ANKS1B: variants seen among roughly 807,000 people sequenced by gnomAD.
ANKS1B encodes ankyrin repeat and sterile alpha motif domain-containing protein 1B.
Under a neutral mutation model 148.3 loss-of-function variants are expected in ANKS1B, and 36 were observed. The observed-to-expected ratio is 0.24, with a 90% confidence interval of 0.19 to 0.32. The LOEUF is 0.32. ANKS1B is among the 10% of genes least tolerant of loss of function. ANKS1B has a pLI of 1.00. For missense variants in ANKS1B, 1,157 were observed against 1,542.6 expected (o/e 0.75, Z 4.19); for synonymous variants, 542 against 560.8 (o/e 0.97, Z 0.47).
intron 12 of ANKS1B, among the ~76,000 whole-genome samples, chr12:99,298,442 T>TC (rs2154018305): frequency 6.6e-6 from 1 of 152,302 alleles, no homozygotes; most frequent in East Asian, 1.9e-4. Context: ...GTATCTTGCT[T>TC]CCCCTTTGCC....
chr12:98,795,661 T>C (rs1322135291), intron 22 of ANKS1B: 1 of 451,736 alleles, frequency 2.2e-6, no homozygotes, highest in Non-Finnish European at 4.4e-6. Flanking sequence ...AAATAAGCCA[T>C]TTAAAAAGTG....
At chr12:99,695,380 A>T (rs1189993456) in intron 8 of ANKS1B, among the ~76,000 whole-genome samples, 2 of 152,188 alleles carry the variant, frequency 1.3e-5, no homozygotes, top group Admixed American at 1.3e-4. Context: ...CAGATATCTC[A>T]TAAAGACAAA....
At chr12:99,532,343 T>TTTTTTG (rs2097005464) in intron 9 of ANKS1B, among the ~76,000 whole-genome samples, 1 of 152,164 alleles carries the variant, frequency 6.6e-6, no homozygotes, top group South Asian at 2.1e-4. Flanking sequence ...TTAAGGTTTT[T>TTTTTTG]TTGTTGTTGT....
rs1358559114 is a variant in ANKS1B at position 98,745,375 on chromosome 12, C to CTCT, written c.*363_*364insAGA. 2,452 of 913,446 alleles carry CTCT rather than the reference C, an allele frequency of 2.7e-3. 48 individuals carry two copies. In the African/African-American group the frequency reaches 0.039, roughly 14 times the overall value. The allele number at this position is 913,446 out of a possible 1,614,324, so 56.6% of individuals were successfully genotyped here. On this transcript the variant is annotated 3_prime_UTR_variant, in exon 27 of 27. Transcript: ENST00000683438. ...TAGGCAGTATTAGAGATCCCCTTTA[C>CTCT]TTTTTTTTTTTTTTTTTTTTTTTTA...
At chr12:99,700,393 A>G (rs2054613147) in intron 8 of ANKS1B, among the ~76,000 whole-genome samples, 1 of 152,186 alleles carries the variant, frequency 6.6e-6, no homozygotes, top group African/African-American at 2.4e-5. Context: ...ATCAATAGGA[A>G]CATGCTTCTT....
At chr12:99,655,021 G>T in intron 9 of ANKS1B, 46 bp downstream of exon 9, 1 of 1,522,214 alleles carries the variant, frequency 6.6e-7, no homozygotes, top group East Asian at 2.3e-5. Flanking sequence ...AAAAACATAG[G>T]CAACCATTTT....
At chr12:98,858,960 C>A (rs1451514564) in intron 17 of ANKS1B, among the ~76,000 whole-genome samples, 2 of 152,198 alleles carry the variant, frequency 1.3e-5, no homozygotes, top group African/African-American at 4.8e-5. Context: ...AAGAAGACTT[C>A]CGGATTCTCT....
rs114638821 is a variant in ANKS1B, at chr12:99,839,277, T to G, written c.135-13888A>C. On this transcript the variant is annotated intron_variant, in intron 1 of 26. Transcript: ENST00000683438. ...AAAAAAGTTTTGGCTGTAATTGCAT[T>G]AAACTTATAGAAAAAGTAGGAAGAA... Among the ~76,000 whole-genome samples the G allele has an allele frequency of 7.9e-3, 1,201 of 152,308 alleles. 16 individuals are homozygous for G. Among genetic ancestry groups the G allele is most frequent in the African/African-American group, 0.027 (1,135 of 41,582 alleles).
At chr12:99,690,508 T>C (rs778700792) in intron 8 of ANKS1B, among the ~76,000 whole-genome samples, 2 of 152,100 alleles carry the variant, frequency 1.3e-5, no homozygotes, top group African/African-American at 2.4e-5. Flanking sequence ...GGCACACACA[T>C]TGGGTAAATA....
chr12:99,032,120 T>A (rs754416171), intron 17 of ANKS1B, among the ~76,000 whole-genome samples: 1 of 152,130 alleles, frequency 6.6e-6, no homozygotes, highest in Non-Finnish European at 1.5e-5. Flanking sequence ...CAAACCCTCA[T>A]GGGGGTCATG....
At chr12:99,237,478 C>G (rs1381504925) in intron 14 of ANKS1B, among the ~76,000 whole-genome samples, 1 of 152,018 alleles carries the variant, frequency 6.6e-6, no homozygotes, top group Non-Finnish European at 1.5e-5. Context: ...CACTTTGGCT[C>G]TGAACTTTAG....
intron 9 of ANKS1B, among the ~76,000 whole-genome samples, chr12:99,566,451 T>C (rs906568125): frequency 1.3e-5 from 2 of 152,174 alleles, no homozygotes; most frequent in Non-Finnish European, 2.9e-5. Context: ...ACAGCAGTGC[T>C]CTCAAAGTTC....
Position 99,984,346 on chromosome 12 carries a change from GCAAGA to G in ANKS1B, c.-114_-110del. 2 of 659,578 alleles carry G rather than the reference GCAAGA, an allele frequency of 3.0e-6. No individual in the cohort carries two copies. The highest frequency in any genetic ancestry group is 2.0e-5 in the African/African-American group (1 of 50,388). The allele number at this position is 659,578 out of a possible 1,614,324, so 40.9% of individuals were successfully genotyped here. A position where few individuals can be genotyped will look rare whatever the true frequency, so the allele number is the denominator to read the frequency against. ...CCTCTTCGCCCCACCCTAAAATAAT[GCAAGA>G]GCTTCAGCACGGAGAGCTCCCTGCA... On this transcript the variant is annotated 5_prime_UTR_variant, in exon 1 of 27. Coordinates refer to ENST00000683438, the MANE Select transcript of ANKS1B (RefSeq NM_001352186.2).
intron 15 of ANKS1B, among the ~76,000 whole-genome samples, chr12:99,149,650 G>A (rs2074299866): frequency 6.6e-6 from 1 of 152,090 alleles, no homozygotes; most frequent in African/African-American, 2.4e-5. Context: ...CTGTCAGCTA[G>A]TTATCATGGT....
At chr12:98,761,208 G>A (rs1592949289) in intron 25 of ANKS1B, among the ~76,000 whole-genome samples, 1 of 152,198 alleles carries the variant, frequency 6.6e-6, no homozygotes. Context: ...TCTCATGAAT[G>A]TGCTGGTCTT....
chr12:99,863,160 T>C (rs1219750754), intron 1 of ANKS1B, among the ~76,000 whole-genome samples: 1 of 152,154 alleles, frequency 6.6e-6, no homozygotes, highest in African/African-American at 2.4e-5. Context: ...GCTGGCTTCT[T>C]ATGTATGTGC....
chr12:99,528,776 GA>G (rs1183993388), intron 9 of ANKS1B, among the ~76,000 whole-genome samples: 1 of 151,852 alleles, frequency 6.6e-6, no homozygotes, highest in Non-Finnish European at 1.5e-5. Flanking sequence ...TAAACAAAGG[GA>G]AGAATAATAT....
At chr12:99,641,913 A>C (rs903941453) in intron 9 of ANKS1B, among the ~76,000 whole-genome samples, 3 of 152,178 alleles carry the variant, frequency 2.0e-5, no homozygotes, top group Non-Finnish European at 4.4e-5. Flanking sequence ...AACACAATAG[A>C]TATGCAAACT....
rs2064484483 is a variant in ANKS1B at position 99,782,684 on chromosome 12, G to T, written c.670-587C>A. On this transcript the variant is annotated intron_variant, in intron 4 of 26. Coordinates refer to ENST00000683438, the MANE Select transcript of ANKS1B (RefSeq NM_001352186.2). ...CACCTCACAAGGCTTTTGTGACTAT[G>T]CAAGAAGCTCATTTAATCAGCATGC... Among the ~76,000 whole-genome samples the T allele has an allele frequency of 2.0e-5, 3 of 152,168 alleles. No individual in the cohort carries two copies. The South Asian group carries it at 6.2e-4, about 31-fold the overall frequency.
Sources: gnomAD v4.1 joint callset for allele counts (sites outside exome capture counted in the v4.1 genomes callset) on GRCh38, gnomAD v4.1.1 for gene constraint, MANE v1.5 for transcripts, NCBI Gene and HGNC (gene_info 2026-07-23, HGNC 2026-07-21) for gene names.